The following MTA3 variants were observed in gnomAD, a reference collection of about 807,000 sequenced individuals.
MTA3 encodes metastasis-associated protein MTA3.
A neutral mutation model predicts 83.5 loss-of-function variants in MTA3; 34 were observed. The observed-to-expected ratio is 0.41, with a 90% CI of 0.31 to 0.54. MTA3 has a LOEUF of 0.54. MTA3 is among the 20% of genes least tolerant of loss of function. The probability of loss-of-function intolerance (pLI) is 0.33; values close to 1 mark genes in which losing one functional copy is unlikely to be tolerated. For missense variants in MTA3, 761 were observed against 726.4 expected (o/e 1.05, Z -0.55); for synonymous variants, 303 against 252.7 (o/e 1.20, Z -1.89).
intron 2 of MTA3, among the ~76,000 whole-genome samples, chr2:42,535,048 G>A (rs951247445): frequency 2.6e-5 from 4 of 152,012 alleles, no homozygotes; most frequent in Non-Finnish European, 1.5e-5. Context: ...TTATCTATTA[G>A]AATCCCATAT....
At chr2:42,586,712 A>G (rs1680376939) in intron 3 of MTA3, among the ~76,000 whole-genome samples, 1 of 151,994 alleles carries the variant, frequency 6.6e-6, no homozygotes, top group Non-Finnish European at 1.5e-5. Flanking sequence ...CAGCATGGCA[A>G]AAACCCATCT....
intron 3 of MTA3, among the ~76,000 whole-genome samples, chr2:42,595,226 C>G (rs981297345): frequency 3.3e-5 from 5 of 150,070 alleles, no homozygotes; most frequent in Admixed American, 2.0e-4. Flanking sequence ...TCTCCTGCCT[C>G]AGCCTCCCGA....
In MTA3 at chr2:42,544,537, C is replaced by CT. The variant is rs369149084; in HGVS notation, c.-140-25885dup. 3.0e-3 allele frequency among the ~76,000 whole-genome samples: 417 copies of CT among 141,254 alleles called. 5 individuals are homozygous for CT. Among genetic ancestry groups the CT allele is most frequent in the East Asian group, 5.8e-3 (28 of 4,866 alleles). 92.7% of individuals were successfully genotyped at this position (141,254 alleles called of 152,430 possible). On this transcript the variant is annotated intron_variant, in intron 2 of 17. Coordinates refer to the MTA3 transcript ENST00000405592. ...TTAGGCACTAAAATACCAAAAATAA[C>CT]TTTTTTTTTTTTTTTCTTTGAGACA...
At chr2:42,619,806 AC>A (rs1311509160) in intron 4 of MTA3, among the ~76,000 whole-genome samples, 1 of 152,154 alleles carries the variant, frequency 6.6e-6, no homozygotes, top group Non-Finnish European at 1.5e-5. Flanking sequence ...GATGTTACTT[AC>A]CTTTTTTCTG....
chr2:42,627,624 T>C (rs1015008125), intron 4 of MTA3, among the ~76,000 whole-genome samples: 2 of 151,844 alleles, frequency 1.3e-5, no homozygotes, highest in African/African-American at 4.8e-5. Context: ...AGTGCAGTGG[T>C]GTCATCTTGG....
In MTA3 at chr2:42,719,054, CATGTATCAT is replaced by C; in HGVS notation, c.1593_1601del (p.Cys532_Ile534del). Reference sequence around the variant, plus strand: ...AGCAAAAGCACTAGGAAGCCTTTGGCATGTATCATTGGGTATTTAGGTGGGTATTTTCTA... The same window carrying C: ...AGCAAAAGCACTAGGAAGCCTTTGGCTGGGTATTTAGGTGGGTATTTTCTA... On this transcript the variant is annotated inframe_deletion, in exon 15 of 17. Coordinates refer to ENST00000405094, the MANE Select transcript of MTA3 (RefSeq NM_001330442.2). 1 of 1,550,032 alleles carries C rather than the reference CATGTATCAT, an allele frequency of 6.5e-7. No individual in the cohort carries two copies. The highest frequency in any genetic ancestry group is 8.7e-7 in the Non-Finnish European group (1 of 1,146,564).
Position 42,724,277 on chromosome 2 carries a change from AACACAC to A in MTA3, c.1759+1291_1759+1296del, listed in dbSNP as rs34379999. On this transcript the variant is annotated intron_variant, in intron 16 of 16. Transcript: ENST00000405094. ...AGAAGGTATAAAGTAAGTCCTGAAA[AACACAC>A]ACACACACACACACACACACACACA... Among the ~76,000 whole-genome samples, 385 of 73,162 alleles carry A rather than the reference AACACAC, an allele frequency of 5.3e-3. 4 individuals carry two copies. The highest frequency in any genetic ancestry group is 0.01 in the South Asian group (14 of 1,362). 48.0% of individuals were successfully genotyped at this position (73,162 alleles called of 152,430 possible).
chr2:42,726,639 A>C (rs1320115050), intron 16 of MTA3, among the ~76,000 whole-genome samples: 2 of 152,092 alleles, frequency 1.3e-5, no homozygotes. Flanking sequence ...CAGGTTCTTG[A>C]TGATGGGAAA....
intron 8 of MTA3, among the ~76,000 whole-genome samples, chr2:42,679,459 G>A (rs1339271900): frequency 2.6e-5 from 4 of 152,208 alleles, no homozygotes; most frequent in African/African-American, 9.6e-5. Context: ...AGCACAGAGT[G>A]AAGCAAGGAA....
chr2:42,671,610 A>G lies in MTA3; in HGVS notation c.703-10791A>G, dbSNP rs80314350. Among the ~76,000 whole-genome samples the G allele has an allele frequency of 5.1e-3, 783 of 152,316 alleles. 6 individuals are homozygous for G. Among genetic ancestry groups the G allele is most frequent in the African/African-American group, 0.018 (757 of 41,550 alleles). On this transcript the variant is annotated intron_variant, in intron 8 of 16. Transcript: ENST00000405094. Reference sequence around the variant, plus strand: ...CTAATTATCACCTTGGCTGTAGCACATATCTTTTAGTATGTAGTATTTTTA... The same window carrying G: ...CTAATTATCACCTTGGCTGTAGCACGTATCTTTTAGTATGTAGTATTTTTA...
intron 2 of MTA3, among the ~76,000 whole-genome samples, chr2:42,531,858 G>A (rs1415696738): frequency 2.0e-5 from 3 of 151,934 alleles, no homozygotes; most frequent in African/African-American, 7.2e-5. Context: ...CTGGGTTCAC[G>A]CCATTCTCCC....
At chr2:42,698,109 C>G (rs1021747912) in intron 11 of MTA3, among the ~76,000 whole-genome samples, 1 of 152,118 alleles carries the variant, frequency 6.6e-6, no homozygotes, top group Non-Finnish European at 1.5e-5. Context: ...CTATGAAATG[C>G]TGTATTATTT....
intron 3 of MTA3, among the ~76,000 whole-genome samples, chr2:42,581,513 C>T (rs1254544346): frequency 1.3e-5 from 2 of 151,462 alleles, no homozygotes; most frequent in African/African-American, 4.9e-5. Flanking sequence ...GCTGGGAGTA[C>T]AGGCGCATCT....
At chr2:42,623,403 A>G (rs746385638) in intron 4 of MTA3, among the ~76,000 whole-genome samples, 4 of 151,884 alleles carry the variant, frequency 2.6e-5, no homozygotes, top group Non-Finnish European at 4.4e-5. Context: ...CCCCTCCTGG[A>G]CTCCCTGGAC....
At chr2:42,530,080 G>T (rs915374941) in intron 2 of MTA3, among the ~76,000 whole-genome samples, 4 of 151,960 alleles carry the variant, frequency 2.6e-5, no homozygotes, top group Non-Finnish European at 5.9e-5. Context: ...AGCTACTCGG[G>T]AGGCTGAGGC....
chr2:42,579,393 A>G (rs896085218), intron 3 of MTA3, among the ~76,000 whole-genome samples, 193 bp downstream of exon 3: 4 of 147,874 alleles, frequency 2.7e-5, no homozygotes, highest in African/African-American at 4.9e-5. Context: ...ATGTGTATAT[A>G]TGTGTGTATG....
intron 9 of MTA3, among the ~76,000 whole-genome samples, chr2:42,690,710 C>CT (rs1358234366): frequency 7.2e-6 from 1 of 139,626 alleles, no homozygotes; most frequent in Non-Finnish European, 1.5e-5. Context: ...GACAGAGTCT[C>CT]TATCACCAGG....
upstream of MTA3, among the ~76,000 whole-genome samples, chr2:42,565,282 C>G (rs1677860118): frequency 6.6e-6 from 1 of 151,976 alleles, no homozygotes; most frequent in Admixed American, 6.6e-5. Context: ...CTCCTGGGCT[C>G]AAGCGATTTG....
intron 3 of MTA3, among the ~76,000 whole-genome samples, chr2:42,602,567 T>C (rs1682712543): frequency 6.6e-6 from 1 of 152,162 alleles, no homozygotes; most frequent in Non-Finnish European, 1.5e-5. Flanking sequence ...CTTTCAGTCT[T>C]TTAAATTTTT....
Sources: allele counts gnomAD v4.1 joint callset (sites outside exome capture counted in the v4.1 genomes callset), GRCh38; gene constraint gnomAD v4.1.1; transcripts MANE v1.5; gene names NCBI Gene and HGNC (gene_info 2026-07-23, HGNC 2026-07-21).